PLAC9: variants seen among roughly 807,000 people sequenced by gnomAD.
PLAC9 encodes the protein placenta-specific protein 9.
In PLAC9, 12 loss-of-function variants were observed where a neutral mutation model predicts 11.5. That is an observed-to-expected ratio of 1.05 (90% CI 0.67 to 1.69). The LOEUF is 1.69. PLAC9 is among the 40% of genes most tolerant of loss of function. The pLI is 0.00. For missense variants in PLAC9, 132 were observed against 130.5 expected (o/e 1.01, Z -0.06); for synonymous variants, 62 against 58.1 (o/e 1.07, Z -0.31).
At chr10:80,137,913 T>TAAA (rs1233192428) in intron 1 of PLAC9, among the ~76,000 whole-genome samples, 1 of 112,312 alleles carries the variant, frequency 8.9e-6, no homozygotes, top group Non-Finnish European at 1.9e-5. Context: ...AGACCCTGTC[T>TAAA]AAAAAAAAAA....
intron 1 of PLAC9, among the ~76,000 whole-genome samples, chr10:80,134,675 T>C (rs144581060): frequency 6.6e-6 from 1 of 152,338 alleles, no homozygotes; most frequent in African/African-American, 2.4e-5. Flanking sequence ...CTGTGTGTGA[T>C]TGAATATCAT....
intron 1 of PLAC9, among the ~76,000 whole-genome samples, chr10:80,137,891 G>A (rs1278163419): frequency 2.6e-5 from 4 of 151,396 alleles, no homozygotes; most frequent in Non-Finnish European, 1.5e-5. Context: ...CTTCAGCCTG[G>A]GTGACAGAGT....
chr10:80,144,308 C>G lies in PLAC9; in HGVS notation c.248C>G (p.Pro83Arg). The G allele has an allele frequency of 4.3e-6, 7 of 1,611,774 alleles. No homozygotes were observed. The highest frequency in any genetic ancestry group is 5.1e-6 in the Non-Finnish European group (6 of 1,179,894). ...GAGGAGCTGGCCTGGAACCTGCCCC[C>G]GGGACCCTTCAGCCCCGCTCCCGAC... ...LLEELAWNLPPGPFSPAPDLL... is the reference protein window; with the variant it reads ...LLEELAWNLPRGPFSPAPDLL... The change falls in exon 3 of 4, where the codon CCG (proline) becomes CGG (arginine). Residue 83 changes from proline to arginine, a missense_variant. Transcript: ENST00000372263.
At chr10:80,139,876 A>G (rs2819880) in intron 1 of PLAC9, among the ~76,000 whole-genome samples, 59,391 of 151,914 alleles carry the variant, frequency 0.39, 12,470 homozygotes, top group East Asian at 0.56. Context: ...GGCACGAGCT[A>G]CCATTTCCAG....
intron 1 of PLAC9, among the ~76,000 whole-genome samples, chr10:80,140,649 G>T (rs911076351): frequency 2.0e-5 from 3 of 152,168 alleles, no homozygotes; most frequent in Admixed American, 6.5e-5. Context: ...AGGGCTCTGA[G>T]ACTTCTGCTC....
intron 3 of PLAC9, 58 bp from the exon 4 acceptor site, chr10:80,144,842 G>A: frequency 1.3e-6 from 2 of 1,515,900 alleles, no homozygotes; most frequent in Middle Eastern, 3.8e-4. Context: ...GGGCACCACG[G>A]GGGCAGGTAC....
chr10:80,140,978 C>T (rs557384985), intron 1 of PLAC9, among the ~76,000 whole-genome samples: 1 of 152,274 alleles, frequency 6.6e-6, no homozygotes, highest in East Asian at 1.9e-4. Context: ...ATCCTTTCAC[C>T]CTTCTGTGCA....
intron 2 of PLAC9, among the ~76,000 whole-genome samples, chr10:80,142,552 G>A (rs562086272): frequency 3.3e-5 from 5 of 152,110 alleles, no homozygotes; most frequent in African/African-American, 1.2e-4. Context: ...AATACAAACA[G>A]CGAGCCGTGG....
chr10:80,135,921 G>C (rs1312457100), intron 1 of PLAC9, among the ~76,000 whole-genome samples: 1 of 152,170 alleles, frequency 6.6e-6, no homozygotes, highest in African/African-American at 2.4e-5. Context: ...TCAAAGCAGA[G>C]TGTGACTTTG....
chr10:80,143,974 T>C (rs769030302), intron 2 of PLAC9: 6 of 520,342 alleles, frequency 1.2e-5, no homozygotes, highest in Admixed American at 3.2e-5. Flanking sequence ...CTACAGGCGC[T>C]TCATCCAAAT....
chr10:80,137,084 G>A (rs956201375), intron 1 of PLAC9, among the ~76,000 whole-genome samples: 38 of 152,212 alleles, frequency 2.5e-4, no homozygotes, highest in Non-Finnish European at 8.8e-5. Flanking sequence ...GTCAGGCCCT[G>A]CTCCAAGCTT....
chr10:80,131,889 T>A (rs149018844), upstream of PLAC9: 1 of 152,404 alleles, frequency 6.6e-6, no homozygotes, highest in East Asian at 1.9e-4. Flanking sequence ...TGGTGATGAA[T>A]GTGTTCCACT....
At chr10:80,134,281 T>TG (rs1491552981) in intron 1 of PLAC9, among the ~76,000 whole-genome samples, 29 of 148,662 alleles carry the variant, frequency 2.0e-4, no homozygotes, top group Admixed American at 1.9e-3. Context: ...TTTTTTTTTT[T>TG]GAGACAGGAT....
At chr10:80,139,326 C>T (rs1160955036) in intron 1 of PLAC9, among the ~76,000 whole-genome samples, 2 of 152,162 alleles carry the variant, frequency 1.3e-5, no homozygotes, top group African/African-American at 4.8e-5. Context: ...CCCCATTTCT[C>T]CCAATTCATT....
At chr10:80,132,674 T>G, upstream of PLAC9, 1 of 1,135,706 alleles carries the variant, frequency 8.8e-7, no homozygotes, top group Non-Finnish European at 1.2e-6. Context: ...TGGCTCGAAC[T>G]GAGTGCATTT....
rs1020253894 is a variant in PLAC9 at position 80,144,258 on chromosome 10, G to A, written c.198G>A (p.Glu66=). 6.2e-7 allele frequency: 1 copy of A among 1,614,006 alleles called. No individual in the cohort carries two copies. Among genetic ancestry groups the A allele is most frequent in the Non-Finnish European group, 8.5e-7 (1 of 1,180,042 alleles). ...AGACCGTGGATCACCTGGGGACAGA[G>A]GTGAAAGGCCTGCTGGGCCTGCTGG... ...VEKTVDHLGT[E]VKGLLGLLEE... Residue 66 remains glutamate, a synonymous_variant, in exon 3 of 4, where the codon GAG becomes GAA. Coordinates refer to ENST00000372263, the MANE Select transcript of PLAC9 (RefSeq NM_001012973.3).
At chr10:80,144,444 G>T (rs1262078286) in intron 3 of PLAC9, 101 bp downstream of exon 3, 6 of 1,413,286 alleles carry the variant, frequency 4.2e-6, no homozygotes, top group Middle Eastern at 2.5e-4. Flanking sequence ...GTGTAGCCTG[G>T]CTGGCAGGGA....
intron 3 of PLAC9, 141 bp from the exon 4 acceptor site, chr10:80,144,759 T>C: frequency 5.8e-6 from 5 of 863,784 alleles, no homozygotes; most frequent in Non-Finnish European, 8.7e-6. Flanking sequence ...GGTTGCACTC[T>C]GCTCTCTCCT....
At chr10:80,132,921 G>T in intron 1 of PLAC9, 95 bp downstream of exon 1, 1 of 1,131,956 alleles carries the variant, frequency 8.8e-7, no homozygotes, top group Non-Finnish European at 1.2e-6. Flanking sequence ...GAGAGAGCTG[G>T]ACACAGCAGC....
Sources: gnomAD v4.1 joint callset for allele counts (sites outside exome capture counted in the v4.1 genomes callset) on GRCh38, gnomAD v4.1.1 for gene constraint, MANE v1.5 for transcripts, NCBI Gene and HGNC (gene_info 2026-07-23, HGNC 2026-07-21) for gene names.